Variants in PPP3CA observed in about 807,000 individuals in gnomAD.
The protein encoded by PPP3CA is protein phosphatase 3 catalytic subunit alpha, also known as CAM-PRP catalytic subunit.
In PPP3CA, 14 loss-of-function variants were observed where a neutral mutation model predicts 66.5. The ratio of observed to expected loss-of-function variants is 0.21; its 90% CI spans 0.14 to 0.33. PPP3CA has a LOEUF of 0.33. Among genes scored for constraint, PPP3CA ranks in the 10% least tolerant of loss-of-function variants. The pLI, the probability that PPP3CA is intolerant of heterozygous loss-of-function variation, is 1.00. For missense variants in PPP3CA, 317 were observed against 639.5 expected (o/e 0.50, Z 5.44); for synonymous variants, 232 against 226.2 (o/e 1.03, Z -0.23).
At chr4:101,323,486 T>G (rs534215222) in intron 1 of PPP3CA, among the ~76,000 whole-genome samples, 4 of 152,320 alleles carry the variant, frequency 2.6e-5, no homozygotes, top group Middle Eastern at 3.4e-3. Flanking sequence ...CTTCCCAATG[T>G]AATGAGGAGT....
chr4:101,101,075 G>T (rs530178953), intron 3 of PPP3CA, among the ~76,000 whole-genome samples: 1 of 152,008 alleles, frequency 6.6e-6, no homozygotes, highest in Admixed American at 6.6e-5. Context: ...ATAAACAATA[G>T]GTTGACATTA....
At chr4:101,333,873 C>T (rs1729535999) in intron 1 of PPP3CA, among the ~76,000 whole-genome samples, 2 of 152,138 alleles carry the variant, frequency 1.3e-5, no homozygotes, top group Non-Finnish European at 1.5e-5. Flanking sequence ...AAAACTTATA[C>T]CGTGATTTCC....
chr4:101,202,597 A>T (rs1170316504), intron 1 of PPP3CA, among the ~76,000 whole-genome samples: 1 of 152,220 alleles, frequency 6.6e-6, no homozygotes, highest in Non-Finnish European at 1.5e-5. Flanking sequence ...CATATTTACT[A>T]GGGTTCTACT....
chr4:101,277,536 A>C (rs939065215), intron 1 of PPP3CA, among the ~76,000 whole-genome samples: 3 of 152,186 alleles, frequency 2.0e-5, no homozygotes, highest in Non-Finnish European at 2.9e-5. Context: ...AGTATGCAAA[A>C]GTTTCTAATG....
At chr4:101,038,590 G>A (rs1455766161) in intron 11 of PPP3CA, among the ~76,000 whole-genome samples, 1 of 151,706 alleles carries the variant, frequency 6.6e-6, no homozygotes, top group Non-Finnish European at 1.5e-5. Context: ...GGCTGGTCTC[G>A]AACTTCTGAC....
intron 3 of PPP3CA, among the ~76,000 whole-genome samples, chr4:101,104,710 A>C (rs960144286): frequency 6.6e-6 from 1 of 152,186 alleles, no homozygotes; most frequent in African/African-American, 2.4e-5. Flanking sequence ...TCCTTAATCC[A>C]CAATAAAAAA....
At chr4:101,081,277 C>T (rs939945343) in intron 7 of PPP3CA, among the ~76,000 whole-genome samples, 1 of 152,056 alleles carries the variant, frequency 6.6e-6, no homozygotes, top group African/African-American at 2.4e-5. Flanking sequence ...TGAAATTTTA[C>T]AAATTGAGAC....
chr4:101,051,643 T>C (rs1173696597), intron 10 of PPP3CA, among the ~76,000 whole-genome samples: 1 of 152,150 alleles, frequency 6.6e-6, no homozygotes, highest in Non-Finnish European at 1.5e-5. Context: ...GATTCTTTGC[T>C]TTCACTGAGA....
At chr4:101,136,518 G>T (rs1722625642) in intron 2 of PPP3CA, among the ~76,000 whole-genome samples, 1 of 151,208 alleles carries the variant, frequency 6.6e-6, no homozygotes, top group Non-Finnish European at 1.5e-5. Flanking sequence ...TGGAGCCTGG[G>T]TGACAGAACG....
chr4:101,137,034 AT>A (rs1225803417), intron 2 of PPP3CA, among the ~76,000 whole-genome samples: 2 of 152,134 alleles, frequency 1.3e-5, no homozygotes, highest in African/African-American at 4.8e-5. Context: ...AACCAGGCAA[AT>A]TTCATAGTAG....
rs115930563 is a variant in PPP3CA at position 101,205,967 on chromosome 4, A to G, written c.59-9851T>C. Among the ~76,000 whole-genome samples the G allele has an allele frequency of 4.7e-3, 716 of 152,330 alleles. 8 individuals carry two copies. Among genetic ancestry groups the G allele is most frequent in the African/African-American group, 0.016 (677 of 41,562 alleles). On this transcript the variant is annotated intron_variant, in intron 1 of 13. Coordinates refer to ENST00000394854, the MANE Select transcript of PPP3CA (RefSeq NM_000944.5). The stretch of plus-strand genomic sequence containing the variant: ...CCAGAGAGCCAAGGGCAGGAGCTAA[A>G]TTCCCAGGTTTGCATATAATTCCCA...
At chr4:101,314,713 T>C (rs1728834063) in intron 1 of PPP3CA, among the ~76,000 whole-genome samples, 1 of 152,082 alleles carries the variant, frequency 6.6e-6, no homozygotes, top group African/African-American at 2.4e-5. Flanking sequence ...TACCAATATA[T>C]TTCTAAGAAA....
In PPP3CA at chr4:101,299,114, T is replaced by G. The variant is rs1007288265; in HGVS notation, c.58+47625A>C. 1.3e-3 allele frequency among the ~76,000 whole-genome samples: 121 copies of G among 93,090 alleles called. 1 individual carries two copies. Among genetic ancestry groups the G allele is most frequent in the Admixed American group, 5.2e-3 (35 of 6,772 alleles). The allele number at this position is 93,090 out of a possible 152,430, so 61.1% of individuals were successfully genotyped here. The stretch of plus-strand genomic sequence containing the variant: ...ATCAAGTGCCATATATCGTTTTTTT[T>G]TTTTTTTTTTTTTTTTTTGGTACAG... On this transcript the variant is annotated intron_variant, in intron 1 of 13. Coordinates refer to ENST00000394854, the MANE Select transcript of PPP3CA (RefSeq NM_000944.5).
chr4:101,235,237 T>C (rs777152545), intron 1 of PPP3CA, among the ~76,000 whole-genome samples: 2 of 151,776 alleles, frequency 1.3e-5, no homozygotes, highest in Non-Finnish European at 2.9e-5. Flanking sequence ...TCATTTTAGG[T>C]ATGGGCCTGA....
chr4:101,229,561 T>G (rs757821721), intron 1 of PPP3CA, among the ~76,000 whole-genome samples: 4 of 151,750 alleles, frequency 2.6e-5, no homozygotes, highest in South Asian at 4.2e-4. Context: ...ATTTATTCTT[T>G]GCAAAAGTAA....
intron 1 of PPP3CA, among the ~76,000 whole-genome samples, chr4:101,270,137 G>A (rs1173338988): frequency 6.6e-6 from 1 of 152,092 alleles, no homozygotes; most frequent in African/African-American, 2.4e-5. Flanking sequence ...GCAAAAAATT[G>A]TTTTAAGAGG....
chr4:101,041,225 G>A (rs372041374), intron 10 of PPP3CA, among the ~76,000 whole-genome samples: 10 of 152,010 alleles, frequency 6.6e-5, no homozygotes, highest in African/African-American at 2.4e-4. Context: ...ATTTTTGAAA[G>A]TTATGCATGG....
chr4:101,071,764 A>G (rs867499074), intron 8 of PPP3CA, among the ~76,000 whole-genome samples: 1 of 152,214 alleles, frequency 6.6e-6, no homozygotes, highest in Non-Finnish European at 1.5e-5. Flanking sequence ...CTTTGTGAAA[A>G]GCAAGAATTA....
chr4:101,320,052 G>A (rs202116978), intron 1 of PPP3CA, among the ~76,000 whole-genome samples: 2 of 152,008 alleles, frequency 1.3e-5, no homozygotes, highest in African/African-American at 2.4e-5. Flanking sequence ...GGGACAACAA[G>A]CCAAAATATT....
Sources: gnomAD v4.1 joint callset for allele counts (sites outside exome capture counted in the v4.1 genomes callset) on GRCh38, gnomAD v4.1.1 for gene constraint, MANE v1.5 for transcripts, NCBI Gene and HGNC (gene_info 2026-07-23, HGNC 2026-07-21) for gene names.